The following APBB2 variants were observed in gnomAD, a reference collection of about 807,000 sequenced individuals.
APBB2 encodes Fe65-like 1.
APBB2 carries 38 observed loss-of-function variants against 82.5 expected under a neutral mutation model. The observed-to-expected ratio is 0.46, with a 90% CI of 0.36 to 0.60. APBB2 has a LOEUF of 0.60. Ranked by LOEUF, APBB2 falls within the 20% of genes least tolerant of loss-of-function variation. The probability of loss-of-function intolerance (pLI) is 0.00; values close to 1 mark genes in which losing one functional copy is unlikely to be tolerated. For missense variants in APBB2, 772 were observed against 972.3 expected (o/e 0.79, Z 2.74); for synonymous variants, 341 against 368.2 (o/e 0.93, Z 0.85).
chr4:41,188,601 C>T (rs1009946023), intron 1 of APBB2, among the ~76,000 whole-genome samples: 2 of 152,168 alleles, frequency 1.3e-5, no homozygotes, highest in Non-Finnish European at 2.9e-5. Context: ...TCATCTCGAA[C>T]GTTTTCCAGC....
At chr4:40,825,778 A>G (rs747717963) in intron 15 of APBB2, 109 bp downstream of exon 15, 3 of 810,428 alleles carry the variant, frequency 3.7e-6, no homozygotes, top group Non-Finnish European at 6.4e-6. Flanking sequence ...GTTTGATTCA[A>G]GACAAGGCGT....
chr4:40,962,251 C>T (rs1793491912), intron 6 of APBB2, among the ~76,000 whole-genome samples: 1 of 152,096 alleles, frequency 6.6e-6, no homozygotes, highest in African/African-American at 2.4e-5. Context: ...TTTTTTAACG[C>T]TTCTCAAAAA....
chr4:40,896,295 C>G (rs1399290741), intron 10 of APBB2, among the ~76,000 whole-genome samples: 2 of 152,162 alleles, frequency 1.3e-5, no homozygotes, highest in African/African-American at 2.4e-5. Context: ...AATTGCTGAC[C>G]TCAAGTGATT....
intron 5 of APBB2, among the ~76,000 whole-genome samples, chr4:41,017,575 A>T (rs1810357765): frequency 6.6e-6 from 1 of 152,240 alleles, no homozygotes; most frequent in Admixed American, 6.5e-5. Context: ...GGTTTACATG[A>T]CAAGTAAACT....
intron 10 of APBB2, among the ~76,000 whole-genome samples, chr4:40,917,256 C>T (rs1464388090): frequency 6.6e-6 from 1 of 152,162 alleles, no homozygotes; most frequent in Non-Finnish European, 1.5e-5. Flanking sequence ...CTCCAGCTCC[C>T]CAGCTAGCCC....
chr4:40,856,975 C>T lies in APBB2; in HGVS notation c.1530-26398G>A. 10 of 985,588 alleles carry T rather than the reference C, an allele frequency of 1.0e-5. No individual in the cohort carries two copies. In the South Asian group the frequency reaches 4.2e-4, roughly 42 times the overall value. 61.1% of individuals were successfully genotyped at this position (985,588 alleles called of 1,614,324 possible). On this transcript the variant is annotated intron_variant, in intron 12 of 17. Coordinates refer to ENST00000508593, the MANE Select transcript of APBB2 (RefSeq NM_004307.2). ...AGCTTGGGCTCGACCCCCGTTCCCC[C>T]TGAACGCACCTGCAAACAAAGGAGA... is the stretch of plus-strand genomic sequence containing the variant.
chr4:40,991,010 C>CTTTTTT lies in APBB2; in HGVS notation c.835+22572_835+22573insAAAAAA, dbSNP rs1491223078. Among the ~76,000 whole-genome samples the CTTTTTT allele has an allele frequency of 4.2e-4, 54 of 128,682 alleles. 2 individuals carry two copies. The highest frequency in any genetic ancestry group is 8.2e-4 in the South Asian group (3 of 3,638). The allele number at this position is 128,682 out of a possible 152,430, so 84.4% of individuals were successfully genotyped here. On this transcript the variant is annotated intron_variant, in intron 6 of 17. Transcript: ENST00000508593. ...TTTCTGGTCATTTTGGACTGAGTTT[C>CTTTTTT]ATTTTTTTTTTTTTTGGAGGCAAGG...
At chr4:41,156,896 G>A (rs555366535) in intron 1 of APBB2, among the ~76,000 whole-genome samples, 7 of 152,000 alleles carry the variant, frequency 4.6e-5, no homozygotes, top group East Asian at 3.9e-4. Context: ...GAAAACCCCC[G>A]TCTCTACTAA....
chr4:41,068,026 C>T (rs1340800837), intron 3 of APBB2, among the ~76,000 whole-genome samples: 2 of 152,124 alleles, frequency 1.3e-5, no homozygotes, highest in African/African-American at 4.8e-5. Context: ...GATGAAGGGA[C>T]TGACCTCGAA....
chr4:40,930,444 T>C (rs1349043024), intron 10 of APBB2, among the ~76,000 whole-genome samples: 9 of 60,892 alleles, frequency 1.5e-4, no homozygotes, highest in African/African-American at 3.5e-4. Flanking sequence ...TGTGTGTGTG[T>C]GTGTGCGCGC....
intron 10 of APBB2, among the ~76,000 whole-genome samples, chr4:40,897,697 G>A (rs750534708): frequency 2.6e-5 from 4 of 152,108 alleles, no homozygotes; most frequent in Non-Finnish European, 4.4e-5. Flanking sequence ...GTGTAAGCGG[G>A]ACTAGGCAGC....
At chr4:40,894,615 C>T (rs907767721) in intron 10 of APBB2, among the ~76,000 whole-genome samples, 1 of 152,208 alleles carries the variant, frequency 6.6e-6, no homozygotes, top group Non-Finnish European at 1.5e-5. Context: ...TCTTTAAATG[C>T]TGAAGTGCTT....
intron 2 of APBB2, among the ~76,000 whole-genome samples, chr4:41,122,610 A>T (rs1172626712): frequency 6.6e-6 from 1 of 152,088 alleles, no homozygotes; most frequent in Non-Finnish European, 1.5e-5. Context: ...TATTGTTTTG[A>T]TCCTACTTTT....
chr4:40,847,903 C>T (rs1045626570), intron 12 of APBB2, among the ~76,000 whole-genome samples: 4 of 151,828 alleles, frequency 2.6e-5, no homozygotes, highest in African/African-American at 9.7e-5. Context: ...AACTACTTGG[C>T]TCAAGCAATC....
At chr4:40,851,581 A>C (rs959053433) in intron 12 of APBB2, among the ~76,000 whole-genome samples, 6 of 151,902 alleles carry the variant, frequency 3.9e-5, no homozygotes, top group Non-Finnish European at 8.8e-5. Context: ...TAATTATTCC[A>C]ACTGCTATAA....
At chr4:41,046,929 T>G (rs35131021) in intron 4 of APBB2, among the ~76,000 whole-genome samples, 44,398 of 152,144 alleles carry the variant, frequency 0.29, 6,839 homozygotes, top group East Asian at 0.54. Flanking sequence ...GTGATTCTGA[T>G]GAACCTGGTT....
intron 1 of APBB2, among the ~76,000 whole-genome samples, chr4:41,181,568 T>A (rs373700659): frequency 6.6e-6 from 1 of 152,238 alleles, no homozygotes; most frequent in Non-Finnish European, 1.5e-5. Context: ...TAATTCTATG[T>A]AAGCCTAACA....
chr4:41,176,671 G>A (rs1177555180), intron 1 of APBB2, among the ~76,000 whole-genome samples: 5 of 151,950 alleles, frequency 3.3e-5, no homozygotes, highest in Non-Finnish European at 5.9e-5. Context: ...CAGACATTTT[G>A]TAGCTTATCT....
Position 40,821,903 on chromosome 4 carries a change from T to C in APBB2, c.2080A>G (p.Asn694Asp). The part of the protein sequence containing the change: ...HVFWCEPNAG[N>D]VSEAVQAACM... ...GCGGCCTGCACCGCCTCAGACACGT[T>C]ACCAGCATTAGGCTCGCACCAGAAA... The change falls in exon 17 of 18, where the codon AAC becomes GAC. Residue 694 changes from asparagine to aspartate, a missense_variant. Asn to Asp is a conservative substitution (Grantham distance 23). Coordinates refer to ENST00000508593, the MANE Select transcript of APBB2 (RefSeq NM_004307.2). 6.2e-7 allele frequency: 1 copy of C among 1,613,870 alleles called. No individual in the cohort carries two copies. The highest frequency in any genetic ancestry group is 1.1e-5 in the South Asian group (1 of 91,066).
Sources: allele counts gnomAD v4.1 joint callset (sites outside exome capture counted in the v4.1 genomes callset), GRCh38; gene constraint gnomAD v4.1.1; transcripts MANE v1.5; gene names NCBI Gene and HGNC (gene_info 2026-07-23, HGNC 2026-07-21).